The following TARBP1 variants were observed in gnomAD, a reference collection of about 807,000 sequenced individuals.
TARBP1 encodes the protein tRNA guanosine 2 -O-methyltransferase TARBP1.
TARBP1 carries 144 observed loss-of-function variants against 178.6 expected under a neutral mutation model. The observed-to-expected ratio is 0.81, with a 90% CI of 0.70 to 0.93. The LOEUF (loss-of-function observed/expected upper bound fraction) is 0.93, where lower values mean the gene tolerates loss of function less well. Among genes scored for constraint, TARBP1 ranks in the 40% least tolerant of loss-of-function variants. TARBP1 has a pLI of 0.00. For synonymous variants in TARBP1, 787 were observed against 781.0 expected (o/e 1.01, Z -0.13); for missense variants, 2,067 against 2,011.7 (o/e 1.03, Z -0.53).
chr1:234,470,561 T>A (rs1668940541), intron 3 of TARBP1, among the ~76,000 whole-genome samples: 1 of 151,668 alleles, frequency 6.6e-6, no homozygotes, highest in African/African-American at 2.4e-5. Flanking sequence ...ATCAACGGTT[T>A]AAAAAATTAA....
chr1:234,437,533 T>C (rs1013743614), intron 12 of TARBP1, among the ~76,000 whole-genome samples, 161 bp from the exon 13 acceptor site: 1 of 152,230 alleles, frequency 6.6e-6, no homozygotes, highest in Non-Finnish European at 1.5e-5. Flanking sequence ...GGGAAAGCTA[T>C]ACTTAATCTT....
At chr1:234,467,874 C>T (rs270501) in intron 3 of TARBP1, among the ~76,000 whole-genome samples, 80,327 of 151,974 alleles carry the variant, frequency 0.53, 21,878 homozygotes, top group African/African-American at 0.65. Context: ...AGGGCTCAAG[C>T]GATCCTCCTG....
intron 15 of TARBP1, 71 bp from the exon 16 acceptor site, chr1:234,429,748 C>A (rs1273399881): frequency 1.6e-6 from 2 of 1,245,378 alleles, no homozygotes; most frequent in Non-Finnish European, 2.2e-6. Flanking sequence ...ACGTAGCACA[C>A]TATCCTTTCT....
rs745394268 is a variant in TARBP1 at position 234,427,598 on chromosome 1, T to C, written c.3229A>G (p.Thr1077Ala). 1.2e-6 allele frequency: 2 copies of C among 1,601,096 alleles called. No individual in the cohort carries two copies. The highest frequency in any genetic ancestry group is 1.7e-6 in the Non-Finnish European group (2 of 1,176,796). ...TACCTTTGATCACGCCTAAACACAG[T>C]TCCAAATATACAAGCCTCAAGGATA... ...ELILEACIFG[T>A]VFRRDQRLVQ... The change falls in exon 18 of 30, where the codon ACT (threonine) becomes GCT (alanine). Residue 1077 changes from threonine (T) to alanine (A), a missense_variant. Coordinates refer to ENST00000040877, the MANE Select transcript of TARBP1 (RefSeq NM_005646.4).
At chr1:234,412,942 T>A (rs1662005652) in intron 22 of TARBP1, among the ~76,000 whole-genome samples, 1 of 152,150 alleles carries the variant, frequency 6.6e-6, no homozygotes, top group Non-Finnish European at 1.5e-5. Flanking sequence ...GCAAGCCTGA[T>A]GCATCCAGAG....
At chr1:234,394,027 CTT>C (rs1236469389) in intron 26 of TARBP1, among the ~76,000 whole-genome samples, 190 bp from the exon 27 acceptor site, 1 of 152,110 alleles carries the variant, frequency 6.6e-6, no homozygotes, top group African/African-American at 2.4e-5. Flanking sequence ...GTAGTAGTAA[CTT>C]TAAGTTTTCA....
intron 26 of TARBP1, among the ~76,000 whole-genome samples, chr1:234,396,144 CCT>C (rs1659912508): frequency 1.3e-5 from 2 of 152,116 alleles, no homozygotes; most frequent in African/African-American, 2.4e-5. Flanking sequence ...ACAACATGCC[CCT>C]CTTTACCAAA....
chr1:234,431,319 T>C (rs1664410071), intron 14 of TARBP1, among the ~76,000 whole-genome samples: 1 of 152,232 alleles, frequency 6.6e-6, no homozygotes, highest in Admixed American at 6.5e-5. Context: ...AACCTTAATG[T>C]AATTCAGTGA....
At chr1:234,467,164 G>C (rs1375585922) in intron 4 of TARBP1, among the ~76,000 whole-genome samples, 2 of 152,152 alleles carry the variant, frequency 1.3e-5, no homozygotes, top group Admixed American at 1.3e-4. Context: ...ACAGTCATCA[G>C]TGGCTCAGAA....
At chr1:234,435,891 C>T (rs895673385) in intron 13 of TARBP1, among the ~76,000 whole-genome samples, 1 of 152,180 alleles carries the variant, frequency 6.6e-6, no homozygotes. Flanking sequence ...TTGGTAAATA[C>T]TACAGAGGCA....
chr1:234,440,864 G>A lies in TARBP1; in HGVS notation c.2135-3492C>T, dbSNP rs116477155. ...ATACGCTGAAAACTGTAAAACTGAT[G>A]AAAAAAATCACAGACAACCTAAGTA... On this transcript the variant is annotated intron_variant, in intron 12 of 29. Transcript: ENST00000040877. 8.9e-3 allele frequency among the ~76,000 whole-genome samples: 1,348 copies of A among 152,262 alleles called. 23 individuals carry two copies. The highest frequency in any genetic ancestry group is 0.031 in the African/African-American group (1,280 of 41,538).
intron 24 of TARBP1, among the ~76,000 whole-genome samples, chr1:234,402,586 T>G (rs1660801596): frequency 6.6e-6 from 1 of 152,054 alleles, no homozygotes; most frequent in South Asian, 2.1e-4. Context: ...TTTGTTTGTT[T>G]TTTTTTTGAG....
At chr1:234,394,563 C>G (rs1322042423) in intron 26 of TARBP1, among the ~76,000 whole-genome samples, 1 of 152,180 alleles carries the variant, frequency 6.6e-6, no homozygotes, top group East Asian at 1.9e-4. Flanking sequence ...AATGCTTACA[C>G]AGAAAGGGGT....
intron 20 of TARBP1, among the ~76,000 whole-genome samples, chr1:234,423,021 A>G (rs1663287439): frequency 6.6e-6 from 1 of 152,216 alleles, no homozygotes; most frequent in Non-Finnish European, 1.5e-5. Context: ...AGAGCTTCTG[A>G]TTCTGTAGAC....
At chr1:234,456,515 A>G (rs1295556615) in intron 9 of TARBP1, among the ~76,000 whole-genome samples, 2 of 152,260 alleles carry the variant, frequency 1.3e-5, no homozygotes, top group Non-Finnish European at 2.9e-5. Context: ...ACTTTGAAAC[A>G]AAGTCCAAGA....
At chr1:234,439,484 G>A (rs1572328459) in intron 12 of TARBP1, among the ~76,000 whole-genome samples, 2 of 152,046 alleles carry the variant, frequency 1.3e-5, no homozygotes, top group Admixed American at 6.6e-5. Context: ...GAATTTAAAT[G>A]GAATACTAAA....
intron 19 of TARBP1, 133 bp downstream of exon 19, chr1:234,427,184 T>A: frequency 1.7e-6 from 1 of 586,212 alleles, no homozygotes; most frequent in Admixed American, 3.5e-5. Flanking sequence ...AACATACTTT[T>A]AAAGGCTCAT....
intron 20 of TARBP1, 50 bp from the exon 21 acceptor site, chr1:234,420,862 T>C (rs746258148): frequency 8.8e-6 from 10 of 1,141,002 alleles, no homozygotes; most frequent in Non-Finnish European, 1.3e-5. Flanking sequence ...ATTGAATTTG[T>C]GATTAATGAA....
In TARBP1 at chr1:234,402,382, A is replaced by G. The variant is rs554705205; in HGVS notation, c.3990-1120T>C. On this transcript the variant is annotated intron_variant, in intron 24 of 29. Coordinates refer to ENST00000040877, the MANE Select transcript of TARBP1 (RefSeq NM_005646.4). ...ACCACTAGCTGTTGAACTTTCTAAT[A>G]TACTATTTTTTGAGAGAATTTTCTA... 1.1e-3 allele frequency among the ~76,000 whole-genome samples: 168 copies of G among 152,144 alleles called. 1 individual carries two copies. The highest frequency in any genetic ancestry group is 1.9e-3 in the Non-Finnish European group (131 of 68,018).
Sources: gnomAD v4.1 joint callset for allele counts (sites outside exome capture counted in the v4.1 genomes callset) on GRCh38, gnomAD v4.1.1 for gene constraint, MANE v1.5 for transcripts, NCBI Gene and HGNC (gene_info 2026-07-23, HGNC 2026-07-21) for gene names.